The following HGSNAT variants were observed in gnomAD, a reference collection of about 807,000 sequenced individuals.
HGSNAT encodes transmembrane protein 76.
In HGSNAT, 59 loss-of-function variants were observed where a neutral mutation model predicts 85.2. That is an observed-to-expected ratio of 0.69 (90% confidence interval 0.56 to 0.86). HGSNAT has a LOEUF of 0.86. Ranked by LOEUF, HGSNAT falls within the 40% of genes least tolerant of loss-of-function variation. The pLI is 0.00. For missense variants in HGSNAT, 756 were observed against 777.1 expected (o/e 0.97, Z 0.32); for synonymous variants, 321 against 304.5 (o/e 1.05, Z -0.56).
At chr8:43,156,815 CTTTTGT>C (rs927739026) in intron 2 of HGSNAT, among the ~76,000 whole-genome samples, 1 of 152,000 alleles carries the variant, frequency 6.6e-6, no homozygotes, top group African/African-American at 2.4e-5. Context: ...AAGTCTATGT[CTTTTGT>C]ATTAGTACAG....
At chr8:43,140,676 C>G (rs963253752) in intron 1 of HGSNAT, 62 bp downstream of exon 1, 19 of 841,422 alleles carry the variant, frequency 2.3e-5, no homozygotes, top group African/African-American at 7.3e-5. Flanking sequence ...CTCTCCGCGG[C>G]GCCGCCCCTA....
intron 11 of HGSNAT, among the ~76,000 whole-genome samples, chr8:43,184,664 G>C (rs548413576): frequency 6.6e-6 from 1 of 152,276 alleles, no homozygotes; most frequent in East Asian, 1.9e-4. Flanking sequence ...GTCAATTCTG[G>C]CTTTTGTTGC....
At chr8:43,157,292 T>C (rs1317706657) in intron 2 of HGSNAT, among the ~76,000 whole-genome samples, 1 of 152,208 alleles carries the variant, frequency 6.6e-6, no homozygotes, top group Non-Finnish European at 1.5e-5. Flanking sequence ...TGCTGTGATA[T>C]AAATATCTAG....
Position 43,158,935 on chromosome 8 carries a change from A to G in HGSNAT, c.384A>G (p.Arg128=). 2 of 1,609,192 alleles carry G rather than the reference A, an allele frequency of 1.2e-6. No homozygotes were observed. The highest frequency in any genetic ancestry group is 1.7e-6 in the Non-Finnish European group (2 of 1,176,942). The change falls in exon 4 of 18, where the codon AGA becomes AGG. Residue 128 remains arginine (R), a synonymous_variant. Coordinates refer to ENST00000379644, the MANE Select transcript of HGSNAT (RefSeq NM_152419.3). ...CTAATGTTTGTAGGTTGGAATACAGATTTGGAGAATTTGGAAACTATTCTC... is the reference window on the plus strand; with the variant it reads ...CTAATGTTTGTAGGTTGGAATACAGGTTTGGAGAATTTGGAAACTATTCTC... ...EEKEVCRLEY[R]FGEFGNYSLL... is the part of the protein sequence containing the mutation.
chr8:43,172,231 G>T, intron 7 of HGSNAT, 79 bp from the exon 8 acceptor site: 1 of 947,552 alleles, frequency 1.1e-6, no homozygotes, highest in East Asian at 2.4e-5. Context: ...CACCTTGTGA[G>T]TATAAATGTG....
At chr8:43,164,484 A>G (rs1360843490) in intron 5 of HGSNAT, among the ~76,000 whole-genome samples, 4 of 152,092 alleles carry the variant, frequency 2.6e-5, no homozygotes, top group African/African-American at 9.7e-5. Flanking sequence ...TTTGATTTAA[A>G]GCGAGAGACG....
At chr8:43,162,671 C>T (rs1803303532) in intron 5 of HGSNAT, among the ~76,000 whole-genome samples, 1 of 151,578 alleles carries the variant, frequency 6.6e-6, no homozygotes, top group African/African-American at 2.4e-5. Flanking sequence ...CCCACCTTTG[C>T]CTCCTAAGTA....
intron 9 of HGSNAT, among the ~76,000 whole-genome samples, chr8:43,175,727 G>A (rs576758368): frequency 6.6e-6 from 1 of 151,450 alleles, no homozygotes; most frequent in African/African-American, 2.4e-5. Context: ...CACCACACCT[G>A]GCTATTTTTT....
At position 43,202,217 on chromosome 8, in the gene HGSNAT, C is replaced by G. The variant is rs1804937789; in HGVS notation, c.*2648C>G. 1 of 152,522 alleles carries G rather than the reference C, an allele frequency of 6.6e-6. No homozygotes were observed. The highest frequency in any genetic ancestry group is 1.5e-5 in the Non-Finnish European group (1 of 68,196). 9.4% of individuals were successfully genotyped at this position (152,522 alleles called of 1,614,324 possible). On this transcript the variant is annotated 3_prime_UTR_variant, in exon 18 of 18. Transcript: ENST00000379644. Reference sequence around the variant, plus strand: ...TGCTGGTGGCCCAGGTGCTCGACACCAGGCATCCCCTCTCCTCCCACGAAG... The same window carrying G: ...TGCTGGTGGCCCAGGTGCTCGACACGAGGCATCCCCTCTCCTCCCACGAAG...
chr8:43,156,059 C>T (rs1046542410), intron 2 of HGSNAT, among the ~76,000 whole-genome samples: 2 of 152,016 alleles, frequency 1.3e-5, no homozygotes, highest in Non-Finnish European at 2.9e-5. Context: ...AGGCTGGTCT[C>T]GAATTCCTGA....
intron 1 of HGSNAT, among the ~76,000 whole-genome samples, chr8:43,146,130 G>A (rs1802704119): frequency 1.3e-5 from 2 of 152,046 alleles, no homozygotes; most frequent in East Asian, 1.9e-4. Context: ...AGCTGTGTGA[G>A]TTTCTGGATT....
At chr8:43,172,878 G>A (rs557953452) in intron 8 of HGSNAT, among the ~76,000 whole-genome samples, 12 of 152,298 alleles carry the variant, frequency 7.9e-5, no homozygotes, top group Admixed American at 1.3e-4. Context: ...CATAACAAAC[G>A]TGTCTACATA....
chr8:43,173,754 G>C lies in HGSNAT; in HGVS notation c.851+11G>C. The C allele has an allele frequency of 1.2e-6, 2 of 1,610,674 alleles. No homozygotes were observed. The highest frequency in any genetic ancestry group is 1.3e-5 in the African/African-American group (1 of 74,968). On this transcript the variant is annotated intron_variant, in intron 9 of 17. Transcript: ENST00000379644. ...CCTCGTGTTCCCGTGGTGAGTTGCC[G>C]GTCTGCCCTCTTCTCTTCCACGGGT...
intron 8 of HGSNAT, 136 bp downstream of exon 8, chr8:43,172,522 C>G: frequency 1.5e-6 from 1 of 649,026 alleles, no homozygotes; most frequent in Non-Finnish European, 2.7e-6. Context: ...TGAGCTCCTG[C>G]TCCCTCCTAG....
chr8:43,153,781 G>A (rs1168468427), intron 2 of HGSNAT, among the ~76,000 whole-genome samples: 1 of 151,974 alleles, frequency 6.6e-6, no homozygotes. Context: ...TTTTACATAC[G>A]AGTGAGATCA....
intron 5 of HGSNAT, among the ~76,000 whole-genome samples, chr8:43,165,858 C>T (rs1803418423): frequency 6.6e-6 from 1 of 152,152 alleles, no homozygotes; most frequent in South Asian, 2.1e-4. Context: ...ATTGCTTGAA[C>T]CCGGGAGTCA....
rs200402184 is a variant in HGSNAT, at chr8:43,165,095, G to A, written c.563+3588G>A. ...TTAGTAGAGATGAAGTTCTCACTGTGTTGCCCAGGCTTGCATTGAGTAATT... is the reference window on the plus strand; with the variant it reads ...TTAGTAGAGATGAAGTTCTCACTGTATTGCCCAGGCTTGCATTGAGTAATT... On this transcript the variant is annotated intron_variant, in intron 5 of 17. Transcript: ENST00000379644. Among the ~76,000 whole-genome samples the A allele has an allele frequency of 1.1e-4, 13 of 117,222 alleles. No homozygotes were observed. In the East Asian group the frequency reaches 3.0e-3, roughly 27 times the overall value. The allele number at this position is 117,222 out of a possible 152,430, so 76.9% of individuals were successfully genotyped here. A position where few individuals can be genotyped will look rare whatever the true frequency, so the allele number is the denominator to read the frequency against.
chr8:43,192,280 T>TAC (rs1563382310), intron 12 of HGSNAT, 24 bp from the exon 13 acceptor site: 1 of 1,595,154 alleles, frequency 6.3e-7, no homozygotes, highest in Non-Finnish European at 8.5e-7. Flanking sequence ...TCTTGTCATT[T>TAC]ACATATGCTT....
chr8:43,176,978 G>A lies in HGSNAT; in HGVS notation c.852-1096G>A, dbSNP rs188128342. ...TAGGTTTTTCCAAATATAAGATCAC[G>A]TTATCTGCAAACAAGGGTACTTTGA... is the stretch of plus-strand genomic sequence containing the variant. On this transcript the variant is annotated intron_variant, in intron 9 of 17. Transcript: ENST00000379644. Among the ~76,000 whole-genome samples, 489 of 152,260 alleles carry A rather than the reference G, an allele frequency of 3.2e-3. 3 individuals are homozygous for A. The highest frequency in any genetic ancestry group is 5.2e-3 in the Admixed American group (79 of 15,300).
Sources: allele counts gnomAD v4.1 joint callset (sites outside exome capture counted in the v4.1 genomes callset), GRCh38; gene constraint gnomAD v4.1.1; transcripts MANE v1.5; gene names NCBI Gene and HGNC (gene_info 2026-07-23, HGNC 2026-07-21).